The following ALKAL1 variants were observed in gnomAD, a reference collection of about 807,000 sequenced individuals.
ALKAL1 encodes the protein AUG-beta.
Under a neutral mutation model 13.5 loss-of-function variants are expected in ALKAL1, and 23 were observed. The ratio of observed to expected loss-of-function variants is 1.70; its 90% CI spans 1.23 to 2.41. The LOEUF (loss-of-function observed/expected upper bound fraction) is 2.41, where lower values mean the gene tolerates loss of function less well. Among genes scored for constraint, ALKAL1 ranks in the 30% most tolerant of loss-of-function variants. The pLI, the probability that ALKAL1 is intolerant of heterozygous loss-of-function variation, is 0.00. For synonymous variants in ALKAL1, 85 were observed against 77.7 expected (o/e 1.09, Z -0.49); for missense variants, 181 against 178.4 (o/e 1.01, Z -0.08).
At chr8:52,552,519 T>C in intron 1 of ALKAL1, among the ~76,000 whole-genome samples, 1 of 152,232 alleles carries the variant, frequency 6.6e-6, no homozygotes, top group East Asian at 1.9e-4. Flanking sequence ...CTACATGCAT[T>C]ATTTAGAATT....
rs1847246141 is a variant in ALKAL1 at position 52,534,180 on chromosome 8, TTTAAC to T, written c.*428_*432del. 1 of 152,652 alleles carries T rather than the reference TTTAAC, an allele frequency of 6.6e-6. No homozygotes were observed. Among genetic ancestry groups the T allele is most frequent in the Non-Finnish European group, 1.5e-5 (1 of 68,430 alleles). 9.5% of individuals were successfully genotyped at this position (152,652 alleles called of 1,614,324 possible). A position where few individuals can be genotyped will look rare whatever the true frequency, so the allele number is the denominator to read the frequency against. On this transcript the variant is annotated 3_prime_UTR_variant, in exon 5 of 5. Coordinates refer to ENST00000358543, the MANE Select transcript of ALKAL1 (RefSeq NM_207413.4). ...TAAATATTAAATAAGAATTATAAAA[TTTAAC>T]TTGGTACACGATGATTTGACAAATA...
At chr8:52,550,666 G>A (rs1355588572) in intron 1 of ALKAL1, among the ~76,000 whole-genome samples, 3 of 152,122 alleles carry the variant, frequency 2.0e-5, no homozygotes, top group South Asian at 2.1e-4. Flanking sequence ...CTGAAGTCTT[G>A]AGGGAAGGAT....
chr8:52,550,436 A>G (rs1847418282), intron 1 of ALKAL1, among the ~76,000 whole-genome samples: 1 of 73,378 alleles, frequency 1.4e-5, no homozygotes, highest in Admixed American at 1.3e-4. Flanking sequence ...AGCTGCAGAG[A>G]CAGAGTTGAG....
rs2150342603 is a variant in ALKAL1 at position 52,534,547 on chromosome 8, T to C, written c.*66A>G. The C allele has an allele frequency of 1.7e-6, 1 of 599,376 alleles. No individual in the cohort carries two copies. The highest frequency in any genetic ancestry group is 3.0e-5 in the East Asian group (1 of 33,574). 37.1% of individuals were successfully genotyped at this position (599,376 alleles called of 1,614,324 possible). A position where few individuals can be genotyped will look rare whatever the true frequency, so the allele number is the denominator to read the frequency against. On this transcript the variant is annotated 3_prime_UTR_variant, in exon 5 of 5. Coordinates refer to ENST00000358543, the MANE Select transcript of ALKAL1 (RefSeq NM_207413.4). ...ATAAATTTCATCTTTTTTTACATTT[T>C]GCATGATTTGAGGCACTTTTTCTTC...
intron 1 of ALKAL1, among the ~76,000 whole-genome samples, chr8:52,563,273 A>T (rs184634873): frequency 4.3e-4 from 66 of 152,202 alleles, no homozygotes; most frequent in African/African-American, 1.4e-3. Flanking sequence ...ACAAAAAAAT[A>T]AAAATTAAAA....
chr8:52,543,816 A>C (rs547469725), intron 1 of ALKAL1, among the ~76,000 whole-genome samples: 3 of 152,274 alleles, frequency 2.0e-5, no homozygotes, highest in African/African-American at 7.2e-5. Context: ...AGTACAGCAG[A>C]AGCACCTACT....
chr8:52,563,001 G>A (rs1212513731), intron 1 of ALKAL1, among the ~76,000 whole-genome samples: 2 of 152,182 alleles, frequency 1.3e-5, no homozygotes, highest in Admixed American at 6.5e-5. Flanking sequence ...TTCTCCCCTT[G>A]TGAATGTAGT....
intron 1 of ALKAL1, among the ~76,000 whole-genome samples, chr8:52,544,148 C>A (rs1847343651): frequency 1.3e-5 from 2 of 151,962 alleles, no homozygotes; most frequent in Admixed American, 1.3e-4. Context: ...GGCACATGTT[C>A]AAGGAATAGG....
chr8:52,546,621 T>C (rs754923338), intron 1 of ALKAL1, among the ~76,000 whole-genome samples: 49 of 152,332 alleles, frequency 3.2e-4, no homozygotes, highest in Non-Finnish European at 3.7e-4. Flanking sequence ...CTTTTCTTCT[T>C]GGTTCTCCCT....
intron 1 of ALKAL1, among the ~76,000 whole-genome samples, chr8:52,546,399 T>G (rs1047900509): frequency 6.6e-6 from 1 of 152,236 alleles, no homozygotes; most frequent in Non-Finnish European, 1.5e-5. Context: ...AAAGTTCGTC[T>G]TGCTTTAAAA....
intron 1 of ALKAL1, among the ~76,000 whole-genome samples, chr8:52,564,402 C>T (rs1224400246): frequency 6.6e-6 from 1 of 152,196 alleles, no homozygotes; most frequent in African/African-American, 2.4e-5. Flanking sequence ...CGTATTCACA[C>T]GACTTCTCTG....
intron 1 of ALKAL1, among the ~76,000 whole-genome samples, chr8:52,549,426 T>C (rs1237487929): frequency 2.0e-5 from 3 of 149,932 alleles, no homozygotes; most frequent in East Asian, 3.9e-4. Context: ...GAAAAAGCTA[T>C]ACTATATTAA....
In ALKAL1 at chr8:52,540,001, A is replaced by T. The variant is rs188502960; in HGVS notation, c.245-90T>A. The T allele has an allele frequency of 1.4e-5, 15 of 1,059,538 alleles. No individual in the cohort carries two copies. The Admixed American group carries it at 2.9e-4, about 21-fold the overall frequency. 65.6% of individuals were successfully genotyped at this position (1,059,538 alleles called of 1,614,324 possible). The stretch of plus-strand genomic sequence containing the variant: ...ACTTTATGGGTGGATATAATACAAC[A>T]GCACTTTACATCCTTCCATACCCTT... On this transcript the variant is annotated intron_variant, in intron 2 of 4. Transcript: ENST00000358543.
intron 1 of ALKAL1, among the ~76,000 whole-genome samples, chr8:52,557,012 T>A (rs1018881437): frequency 2.1e-4 from 32 of 152,220 alleles, no homozygotes; most frequent in Non-Finnish European, 4.4e-4. Context: ...TCAAATCTAT[T>A]AGAAATCACA....
chr8:52,547,048 C>G (rs781690272), intron 1 of ALKAL1, among the ~76,000 whole-genome samples: 1 of 152,140 alleles, frequency 6.6e-6, no homozygotes, highest in Non-Finnish European at 1.5e-5. Flanking sequence ...AGATATTTTT[C>G]CATGCACACC....
intron 1 of ALKAL1, among the ~76,000 whole-genome samples, chr8:52,548,161 C>CA (rs1563321525): frequency 2.0e-5 from 3 of 151,998 alleles, no homozygotes; most frequent in South Asian, 4.2e-4. Flanking sequence ...CCAGCCTGGT[C>CA]AACATGGTGA....
Position 52,558,430 on chromosome 8 carries a change from T to C in ALKAL1, c.190+6637A>G, listed in dbSNP as rs139637789. On this transcript the variant is annotated intron_variant, in intron 1 of 4. Coordinates refer to ENST00000358543, the MANE Select transcript of ALKAL1 (RefSeq NM_207413.4). ...CATTTAAATTTGAATGAGTAGTTTA[T>C]GGTTTTACTGAATTTGTTTCCAGGT... 4.3e-3 allele frequency among the ~76,000 whole-genome samples: 650 copies of C among 151,676 alleles called. 8 individuals are homozygous for C. The highest frequency in any genetic ancestry group is 0.014 in the African/African-American group (578 of 41,332).
intron 4 of ALKAL1, 110 bp downstream of exon 4, chr8:52,538,321 A>G: frequency 3.0e-6 from 2 of 676,532 alleles, no homozygotes; most frequent in Non-Finnish European, 5.2e-6. Flanking sequence ...GTAACACTGT[A>G]CCCCATAAAT....
At chr8:52,563,754 C>T (rs1460118741) in intron 1 of ALKAL1, among the ~76,000 whole-genome samples, 1 of 152,202 alleles carries the variant, frequency 6.6e-6, no homozygotes, top group Non-Finnish European at 1.5e-5. Flanking sequence ...GCCGGCTGGA[C>T]TGAGAGGCTC....
Sources: allele counts gnomAD v4.1 joint callset (sites outside exome capture counted in the v4.1 genomes callset), GRCh38; gene constraint gnomAD v4.1.1; transcripts MANE v1.5; gene names NCBI Gene and HGNC (gene_info 2026-07-23, HGNC 2026-07-21).